Variants in PCNX1 observed in about 807,000 individuals in gnomAD.
PCNX1 encodes pecanex 1.
A neutral mutation model predicts 242.2 loss-of-function variants in PCNX1; 78 were observed. The ratio of observed to expected loss-of-function variants is 0.32; its 90% confidence interval spans 0.27 to 0.39. PCNX1 has a LOEUF of 0.39. PCNX1 is among the 10% of genes least tolerant of loss of function. PCNX1 has a pLI of 1.00. For missense variants in PCNX1, 2,581 were observed against 2,856.5 expected (o/e 0.90, Z 2.20); for synonymous variants, 1,024 against 1,032.9 (o/e 0.99, Z 0.17).
At position 71,045,760 on chromosome 14, in the gene PCNX1, G is replaced by A. The variant is rs1430829302; in HGVS notation, c.4018+477G>A. 2.0e-5 allele frequency among the ~76,000 whole-genome samples: 3 copies of A among 152,122 alleles called. No individual in the cohort carries two copies. The East Asian group carries it at 5.8e-4, about 29-fold the overall frequency. ...TACCAGAGAAAAGTGTAAAAGAGTT[G>A]ACAAAGTAAAAAGAAATTAAAAACA... On this transcript the variant is annotated intron_variant, in intron 20 of 35. Transcript: ENST00000304743.
chr14:71,009,736 G>C lies in PCNX1; in HGVS notation c.2720+12G>C. ...GCATCCAATATCTGGTATGTGTGAA[G>C]TCATATTAGGAGTGTGTGTACTTTC... On this transcript the variant is annotated intron_variant, in intron 9 of 35. Transcript: ENST00000304743. 6.7e-7 allele frequency: 1 copy of C among 1,490,494 alleles called. No homozygotes were observed. The highest frequency in any genetic ancestry group is 9.3e-7 in the Non-Finnish European group (1 of 1,071,810). 92.3% of individuals were successfully genotyped at this position (1,490,494 alleles called of 1,614,324 possible).
At chr14:70,928,802 A>G (rs556135861) in intron 1 of PCNX1, among the ~76,000 whole-genome samples, 3 of 152,298 alleles carry the variant, frequency 2.0e-5, no homozygotes, top group South Asian at 2.1e-4. Context: ...GTACCAGACT[A>G]TTTCTTTAAT....
intron 19 of PCNX1, among the ~76,000 whole-genome samples, chr14:71,039,842 T>G (rs2060654660): frequency 6.6e-6 from 1 of 152,212 alleles, no homozygotes; most frequent in Non-Finnish European, 1.5e-5. Flanking sequence ...TGTTGTTCCT[T>G]AAGTACAGCT....
At chr14:71,005,098 T>C (rs1214532462) in intron 8 of PCNX1, among the ~76,000 whole-genome samples, 1 of 152,174 alleles carries the variant, frequency 6.6e-6, no homozygotes, top group African/African-American at 2.4e-5. Flanking sequence ...AAGAGACCTC[T>C]TTTGTTGTTG....
intron 26 of PCNX1, among the ~76,000 whole-genome samples, chr14:71,059,243 A>G (rs905829289): frequency 2.6e-5 from 4 of 152,144 alleles, no homozygotes; most frequent in Non-Finnish European, 4.4e-5. Context: ...ATTCAGATAA[A>G]CTTTTGGATA....
chr14:70,933,277 G>T, intron 1 of PCNX1, among the ~76,000 whole-genome samples: 1 of 152,180 alleles, frequency 6.6e-6, no homozygotes, highest in East Asian at 1.9e-4. Context: ...TAGTTGGCAT[G>T]TATGAAGGAG....
chr14:71,018,432 G>A (rs1389359083), intron 11 of PCNX1, among the ~76,000 whole-genome samples: 1 of 151,914 alleles, frequency 6.6e-6, no homozygotes, highest in Non-Finnish European at 1.5e-5. Context: ...TTTGATAGAA[G>A]CAGAGGTGTT....
At chr14:70,937,527 G>C (rs1255891388) in intron 1 of PCNX1, among the ~76,000 whole-genome samples, 2 of 151,306 alleles carry the variant, frequency 1.3e-5, no homozygotes, top group African/African-American at 4.8e-5. Context: ...TGCTGTTTTG[G>C]TTACTGTAGC....
Position 70,977,645 on chromosome 14 carries a change from C to T in PCNX1, c.1308C>T (p.Gly436=), listed in dbSNP as rs116762004. 895 of 1,614,018 alleles carry T rather than the reference C, an allele frequency of 5.5e-4. 6 individuals are homozygous for T. The African/African-American group carries it at 0.011, about 20-fold the overall frequency. Residue 436 remains glycine, a synonymous_variant, in exon 6 of 36, where the codon GGC becomes GGT. Coordinates refer to ENST00000304743, the MANE Select transcript of PCNX1 (RefSeq NM_014982.3). ...KSGRKKECCA[G]PEEKNSCASD... is the part of the protein sequence containing the mutation. Reference sequence around the variant, plus strand: ...GGAGGAAGAAAGAGTGCTGTGCAGGCCCAGAGGAGAAGAATAGCTGTGCCA... The same window carrying T: ...GGAGGAAGAAAGAGTGCTGTGCAGGTCCAGAGGAGAAGAATAGCTGTGCCA...
At position 71,103,472 on chromosome 14, in the gene PCNX1, G is replaced by A; in HGVS notation, c.5898G>A (p.Glu1966=). 6.2e-7 allele frequency: 1 copy of A among 1,614,218 alleles called. No homozygotes were observed. The highest frequency in any genetic ancestry group is 8.5e-7 in the Non-Finnish European group (1 of 1,180,042). ...TTTTTCTACGTAACCGTAACCCAGAGAGAGGTAGCATCCAAAATGCAAAGC... is the reference window on the plus strand; with the variant it reads ...TTTTTCTACGTAACCGTAACCCAGAAAGAGGTAGCATCCAAAATGCAAAGC... The part of the protein sequence containing the change: ...ELVFLRNRNP[E]RGSIQNAKQA... The change falls in exon 32 of 36, where the codon GAG becomes GAA. Residue 1966 remains glutamate, a synonymous_variant. Coordinates refer to ENST00000304743, the MANE Select transcript of PCNX1 (RefSeq NM_014982.3).
At position 70,994,520 on chromosome 14, in the gene PCNX1, A is replaced by G. The variant is rs76423393; in HGVS notation, c.2445-1221A>G. ...TTATGTGTACTAGAGAAACAATTAC[A>G]TTGAATTCAAAGGATTAGAGAGATG... is the stretch of plus-strand genomic sequence containing the variant. On this transcript the variant is annotated intron_variant, in intron 7 of 35. Transcript: ENST00000304743. Among the ~76,000 whole-genome samples, 356 of 150,240 alleles carry G rather than the reference A, an allele frequency of 2.4e-3. 2 individuals carry two copies. The highest frequency in any genetic ancestry group is 5.5e-3 in the South Asian group (26 of 4,766).
chr14:70,924,117 A>G (rs2056488488), intron 1 of PCNX1, among the ~76,000 whole-genome samples: 2 of 151,756 alleles, frequency 1.3e-5, no homozygotes, highest in Admixed American at 1.3e-4. Flanking sequence ...CTGTAGTCCC[A>G]GCTACTTGGG....
At position 71,033,218 on chromosome 14, in the gene PCNX1, T is replaced by G. The variant is rs111917475; in HGVS notation, c.3559-211T>G. On this transcript the variant is annotated intron_variant, in intron 16 of 35. Coordinates refer to ENST00000304743, the MANE Select transcript of PCNX1 (RefSeq NM_014982.3). The stretch of plus-strand genomic sequence containing the variant: ...CCCTCCCCCCAAAAACATCTGTAGC[T>G]TTAGTACCAAAGACATTTAGTGGCC... Among the ~76,000 whole-genome samples the G allele has an allele frequency of 8.4e-3, 1,285 of 152,326 alleles. 10 individuals carry two copies. Among genetic ancestry groups the G allele is most frequent in the African/African-American group, 0.029 (1,211 of 41,582 alleles).
intron 1 of PCNX1, among the ~76,000 whole-genome samples, chr14:70,937,768 A>G (rs1378179557): frequency 5.9e-5 from 9 of 152,218 alleles, no homozygotes; most frequent in Admixed American, 5.9e-4. Context: ...ATCCATGAGC[A>G]TGGAATGTTC....
At chr14:71,056,378 C>T (rs1276562340) in intron 25 of PCNX1, among the ~76,000 whole-genome samples, 12 of 152,206 alleles carry the variant, frequency 7.9e-5, no homozygotes, top group Admixed American at 7.2e-4. Flanking sequence ...CTAGATTTCT[C>T]ATGCTGATGA....
intron 2 of PCNX1, among the ~76,000 whole-genome samples, chr14:70,957,088 C>G (rs1239213655): frequency 1.3e-5 from 2 of 151,982 alleles, no homozygotes; most frequent in African/African-American, 4.8e-5. Flanking sequence ...CTTTACCTCC[C>G]GGGCTAAATC....
chr14:71,002,154 C>T (rs2059524015), intron 8 of PCNX1, among the ~76,000 whole-genome samples: 1 of 152,166 alleles, frequency 6.6e-6, no homozygotes, highest in Admixed American at 6.6e-5. Flanking sequence ...CAGTGGCTGT[C>T]TTTGGGTAGT....
intron 6 of PCNX1, among the ~76,000 whole-genome samples, chr14:70,985,215 T>G (rs573743391): frequency 3.3e-5 from 5 of 152,314 alleles, no homozygotes; most frequent in African/African-American, 1.2e-4. Context: ...TATTTTGTTT[T>G]TAATTTTATT....
intron 2 of PCNX1, among the ~76,000 whole-genome samples, chr14:70,958,335 G>C (rs2058069709): frequency 6.6e-6 from 1 of 152,138 alleles, no homozygotes; most frequent in Non-Finnish European, 1.5e-5. Flanking sequence ...TGAGATAATT[G>C]ATAATAAAAA....
Sources: gnomAD v4.1 joint callset for allele counts (sites outside exome capture counted in the v4.1 genomes callset) on GRCh38, gnomAD v4.1.1 for gene constraint, MANE v1.5 for transcripts, NCBI Gene and HGNC (gene_info 2026-07-23, HGNC 2026-07-21) for gene names.